The following SNX9 variants were observed in gnomAD, a reference collection of about 807,000 sequenced individuals.
SNX9 encodes sorting nexin 9.
SNX9 carries 44 observed loss-of-function variants against 89.4 expected under a neutral mutation model. The observed-to-expected ratio is 0.49, with a 90% CI of 0.39 to 0.63. The LOEUF (loss-of-function observed/expected upper bound fraction) is 0.63, where lower values mean the gene tolerates loss of function less well. Ranked by LOEUF, SNX9 falls within the 30% of genes least tolerant of loss-of-function variation. SNX9 has a pLI of 0.00. For synonymous variants in SNX9, 236 were observed against 247.8 expected (o/e 0.95, Z 0.45); for missense variants, 578 against 736.1 (o/e 0.79, Z 2.49).
At chr6:157,833,810 A>G (rs1196955128) in intron 1 of SNX9, among the ~76,000 whole-genome samples, 1 of 152,204 alleles carries the variant, frequency 6.6e-6, no homozygotes, top group Non-Finnish European at 1.5e-5. Flanking sequence ...TTGTTGATGC[A>G]TCAGATTTAC....
At chr6:157,865,355 A>C (rs1440276956) in intron 1 of SNX9, among the ~76,000 whole-genome samples, 5 of 151,902 alleles carry the variant, frequency 3.3e-5, no homozygotes, top group Non-Finnish European at 7.4e-5. Flanking sequence ...AAAAAAAAAA[A>C]AAAACACCAC....
chr6:157,858,481 C>T (rs1373767729), intron 1 of SNX9, among the ~76,000 whole-genome samples: 3 of 152,050 alleles, frequency 2.0e-5, no homozygotes, highest in Non-Finnish European at 4.4e-5. Context: ...TTCGACTTCC[C>T]AAAGTGCTGG....
intron 1 of SNX9, among the ~76,000 whole-genome samples, chr6:157,853,083 C>T (rs975602598): frequency 5.9e-5 from 9 of 151,496 alleles, no homozygotes; most frequent in African/African-American, 1.9e-4. Flanking sequence ...AGTTTTCCAT[C>T]TAGTATCATT....
chr6:157,838,106 G>A lies in SNX9; in HGVS notation c.12+14660G>A, dbSNP rs556654963. On this transcript the variant is annotated intron_variant, in intron 1 of 17. Transcript: ENST00000392185. ...CAGCTCACTGCAGCCCCAATTTCCC[G>A]GGCTCGAACAATCTTTCCACCTCAG... 3.9e-5 allele frequency among the ~76,000 whole-genome samples: 6 copies of A among 151,952 alleles called. No homozygotes were observed. In the East Asian group the frequency reaches 5.8e-4, roughly 15 times the overall value.
In SNX9 at chr6:157,826,827, A is replaced by ATT. The variant is rs1160093078; in HGVS notation, c.12+3384_12+3385dup. ...TATTTTATATATAAATATATATTATATTTTATATATATATTATATTTTATA... is the reference window on the plus strand; with the variant it reads ...TATTTTATATATAAATATATATTATATTTTTTATATATATATTATATTTTATA... On this transcript the variant is annotated intron_variant, in intron 1 of 17. Coordinates refer to ENST00000392185, the MANE Select transcript of SNX9 (RefSeq NM_016224.5). Among the ~76,000 whole-genome samples, 140 of 116,508 alleles carry ATT rather than the reference A, an allele frequency of 1.2e-3. 36 individuals are homozygous for ATT. Among genetic ancestry groups the ATT allele is most frequent in the African/African-American group, 5.8e-3 (131 of 22,586 alleles). The allele number at this position is 116,508 out of a possible 152,430, so 76.4% of individuals were successfully genotyped here.
chr6:157,845,753 T>G (rs1370339116), intron 1 of SNX9, among the ~76,000 whole-genome samples: 1 of 152,208 alleles, frequency 6.6e-6, no homozygotes, highest in African/African-American at 2.4e-5. Flanking sequence ...CTCCCATTAG[T>G]CATAGTTTTG....
Position 157,937,528 on chromosome 6 carries a change from C to A in SNX9, c.1533+5C>A. On this transcript the variant is annotated splice_donor_5th_base_variant and intron_variant, in intron 15 of 17. Coordinates refer to ENST00000392185, the MANE Select transcript of SNX9 (RefSeq NM_016224.5). Reference sequence around the variant, plus strand: ...GACATCATTGGCACTCACAAGGTAACCTGATCGTAGACATTTATAGAAGAC... The same window carrying A: ...GACATCATTGGCACTCACAAGGTAAACTGATCGTAGACATTTATAGAAGAC... 6.2e-7 allele frequency: 1 copy of A among 1,608,888 alleles called. No homozygotes were observed. Among genetic ancestry groups the A allele is most frequent in the Non-Finnish European group, 8.5e-7 (1 of 1,175,526 alleles).
intron 10 of SNX9, 76 bp from the exon 11 acceptor site, chr6:157,927,035 C>A: frequency 9.3e-7 from 1 of 1,079,548 alleles, no homozygotes; most frequent in Non-Finnish European, 1.4e-6. Flanking sequence ...GATAAATGAG[C>A]TGGTCCTGTT....
chr6:157,831,730 G>T, intron 1 of SNX9, among the ~76,000 whole-genome samples: 1 of 152,188 alleles, frequency 6.6e-6, no homozygotes, highest in Admixed American at 6.5e-5. Flanking sequence ...TGCTAACTCA[G>T]CAGTGTGTTT....
At chr6:157,866,201 A>G (rs559229195) in intron 1 of SNX9, among the ~76,000 whole-genome samples, 2 of 152,322 alleles carry the variant, frequency 1.3e-5, no homozygotes, top group South Asian at 4.1e-4. Context: ...CCCTGTCTCA[A>G]GGATCCTCTT....
Position 157,829,280 on chromosome 6 carries a change from A to C in SNX9, c.12+5834A>C, listed in dbSNP as rs566480577. ...TTGTCTTTAACCTACAAGTTGTCAGAATTGTCTTTAATTTCCAAATGTATT... is the reference window on the plus strand; with the variant it reads ...TTGTCTTTAACCTACAAGTTGTCAGCATTGTCTTTAATTTCCAAATGTATT... On this transcript the variant is annotated intron_variant, in intron 1 of 17. Coordinates refer to ENST00000392185, the MANE Select transcript of SNX9 (RefSeq NM_016224.5). 6 of 152,238 alleles carry C rather than the reference A, an allele frequency of 3.9e-5. No homozygotes were observed. The East Asian group carries it at 1.2e-3, about 29-fold the overall frequency. 9.4% of individuals were successfully genotyped at this position (152,238 alleles called of 1,614,324 possible). A position where few individuals can be genotyped will look rare whatever the true frequency, so the allele number is the denominator to read the frequency against.
rs1782964566 is a variant in SNX9 at position 157,895,743 on chromosome 6, A to G, written c.301-1084A>G. 1.3e-5 allele frequency among the ~76,000 whole-genome samples: 2 copies of G among 152,212 alleles called. 1 individual carries two copies. The highest frequency in any genetic ancestry group is 4.1e-4 in the South Asian group (2 of 4,834). On this transcript the variant is annotated intron_variant, in intron 4 of 17. Transcript: ENST00000392185. ...AGTAAGTATATACAAGGAATTTGTT[A>G]GTAGCATGAAACAAAAATTATAGTA...
intron 14 of SNX9, 51 bp from the exon 15 acceptor site, chr6:157,937,383 T>C: frequency 3.8e-6 from 5 of 1,328,650 alleles, no homozygotes; most frequent in Non-Finnish European, 5.4e-6. Context: ...CTCTTTTCCT[T>C]GATTTTCTGA....
chr6:157,906,051 A>G (rs1783208635), intron 6 of SNX9, 77 bp from the exon 7 acceptor site: 1 of 1,215,036 alleles, frequency 8.2e-7, no homozygotes, highest in Non-Finnish European at 1.2e-6. Flanking sequence ...TAAAACTGGT[A>G]AGTAAATGTA....
At position 157,895,108 on chromosome 6, in the gene SNX9, ACATC is replaced by A. The variant is rs1308109115; in HGVS notation, c.301-1713_301-1710del. On this transcript the variant is annotated intron_variant, in intron 4 of 17. Transcript: ENST00000392185. ...CATGTGCAGTAGGTAAACATATGTA[ACATC>A]CATCCTTGTTGACTTTGAGGTGAGA... is the stretch of plus-strand genomic sequence containing the variant. Among the ~76,000 whole-genome samples the A allele has an allele frequency of 2.6e-5, 4 of 152,342 alleles. No homozygotes were observed. The East Asian group carries it at 7.7e-4, about 29-fold the overall frequency.
intron 1 of SNX9, among the ~76,000 whole-genome samples, chr6:157,832,701 C>T (rs1781499877): frequency 6.6e-6 from 1 of 152,138 alleles, no homozygotes; most frequent in Admixed American, 6.5e-5. Flanking sequence ...GGGGAAAACC[C>T]TTATAAAACC....
At chr6:157,909,625 C>G (rs1783295541) in intron 7 of SNX9, 40 bp from the exon 8 acceptor site, 1 of 1,605,936 alleles carries the variant, frequency 6.2e-7, no homozygotes, top group African/African-American at 1.3e-5. Flanking sequence ...TATTATTTTT[C>G]CATGTAACAA....
intron 1 of SNX9, among the ~76,000 whole-genome samples, chr6:157,825,636 T>C (rs1490517890): frequency 1.3e-5 from 2 of 152,230 alleles, no homozygotes; most frequent in African/African-American, 4.8e-5. Context: ...CACATGGTGC[T>C]CATTTCCATG....
At chr6:157,856,258 G>T (rs1161902789) in intron 1 of SNX9, among the ~76,000 whole-genome samples, 1 of 152,160 alleles carries the variant, frequency 6.6e-6, no homozygotes, top group Non-Finnish European at 1.5e-5. Context: ...TTATTGTGGA[G>T]CATGCCAAAC....
Sources: allele counts gnomAD v4.1 joint callset (sites outside exome capture counted in the v4.1 genomes callset), GRCh38; gene constraint gnomAD v4.1.1; transcripts MANE v1.5; gene names NCBI Gene and HGNC (gene_info 2026-07-23, HGNC 2026-07-21).